Variants in DCC observed in about 807,000 individuals in gnomAD.
The protein encoded by DCC is netrin receptor DCC.
In DCC, 58 loss-of-function variants were observed where a neutral mutation model predicts 172.5. The observed-to-expected ratio is 0.34, with a 90% CI of 0.27 to 0.42. The LOEUF (loss-of-function observed/expected upper bound fraction) is 0.42. Ranked by LOEUF, DCC falls within the 10% of genes least tolerant of loss-of-function variation. DCC has a pLI of 1.00. For missense variants in DCC, 1,740 were observed against 1,791.0 expected (o/e 0.97, Z 0.51); for synonymous variants, 709 against 644.5 (o/e 1.10, Z -1.52).
At position 52,909,706 on chromosome 18, in the gene DCC, G is replaced by A. The variant is rs374809861; in HGVS notation, c.697+3378G>A. On this transcript the variant is annotated intron_variant, in intron 3 of 28. Transcript: ENST00000442544. ...CGACCAGTTTCACTTTATTCATTAC[G>A]TAAATACTTTATTCAATTAACTTTT... Among the ~76,000 whole-genome samples the A allele has an allele frequency of 8.6e-5, 13 of 151,510 alleles. 1 individual carries two copies. The highest frequency in any genetic ancestry group is 7.2e-4 in the Admixed American group (11 of 15,254).
chr18:52,801,425 A>C (rs956744337), intron 2 of DCC, among the ~76,000 whole-genome samples: 1 of 152,220 alleles, frequency 6.6e-6, no homozygotes, highest in African/African-American at 2.4e-5. Flanking sequence ...ATGAAGGATG[A>C]GTATTAGTTT....
intron 2 of DCC, among the ~76,000 whole-genome samples, chr18:52,798,706 G>A (rs62083281): frequency 0.025 from 3,842 of 152,152 alleles, 69 homozygotes; most frequent in Middle Eastern, 0.078. Flanking sequence ...AATGCAGTGA[G>A]GTGGAAAAGC....
chr18:53,118,345 G>A (rs566342116), intron 7 of DCC, among the ~76,000 whole-genome samples: 57 of 151,768 alleles, frequency 3.8e-4, no homozygotes, highest in African/African-American at 1.3e-3. Context: ...GCATCATAGT[G>A]TTTCGTATAT....
chr18:53,281,234 A>C (rs1461680875), intron 12 of DCC, among the ~76,000 whole-genome samples: 1 of 152,128 alleles, frequency 6.6e-6, no homozygotes, highest in African/African-American at 2.4e-5. Flanking sequence ...TCCATTTTTT[A>C]AATATATTTT....
At chr18:52,761,241 T>G (rs1445299577) in intron 2 of DCC, among the ~76,000 whole-genome samples, 1 of 152,190 alleles carries the variant, frequency 6.6e-6, no homozygotes, top group African/African-American at 2.4e-5. Context: ...TCACATCTTG[T>G]GAGAGTTATT....
At chr18:53,464,979 C>CAAAAAAAAAAAAAAAAAAAAAAAAAA (rs71179510) in intron 24 of DCC, among the ~76,000 whole-genome samples, 1 of 54,848 alleles carries the variant, frequency 1.8e-5, no homozygotes, top group Non-Finnish European at 3.8e-5. Context: ...AACTCAATCT[C>CAAAAAAAAAAAAAAAAAAAAAAAAAA]AAAAAAAAAA....
chr18:52,355,941 T>C (rs1463441720), intron 1 of DCC, among the ~76,000 whole-genome samples: 2 of 152,108 alleles, frequency 1.3e-5, no homozygotes, highest in Non-Finnish European at 2.9e-5. Flanking sequence ...TCTTTACATG[T>C]TCAGGCTCTG....
chr18:53,288,255 A>T (rs895567449), intron 12 of DCC, among the ~76,000 whole-genome samples: 4 of 152,166 alleles, frequency 2.6e-5, no homozygotes, highest in Non-Finnish European at 4.4e-5. Context: ...TTTCTAGAAC[A>T]TGAATATTTA....
intron 23 of DCC, among the ~76,000 whole-genome samples, chr18:53,451,710 G>GCTCTCTCTCTCTCTCTCTCT (rs371232356): frequency 2.7e-5 from 4 of 147,342 alleles, no homozygotes; most frequent in Admixed American, 6.8e-5. Flanking sequence ...GCTCGCTCTT[G>GCTCTCTCTCTCTCTCTCTCT]CTCTCTCTCT....
intron 5 of DCC, among the ~76,000 whole-genome samples, chr18:53,051,789 C>T (rs1390930300): frequency 1.3e-5 from 2 of 151,990 alleles, no homozygotes; most frequent in Non-Finnish European, 2.9e-5. Flanking sequence ...TATCTTTACG[C>T]CTCATCTTGT....
Position 53,086,403 on chromosome 18 carries a change from T to TTTC in DCC, c.1261+20259_1261+20261dup, listed in dbSNP as rs932269597. ...CCTTTCTTCTTCTTCTTCTTCTTCC[T>TTTC]TTCTTCTTCTTCTTCTTCTTCTTCC... On this transcript the variant is annotated intron_variant, in intron 7 of 28. Coordinates refer to ENST00000442544, the MANE Select transcript of DCC (RefSeq NM_005215.4). Among the ~76,000 whole-genome samples the TTTC allele has an allele frequency of 6.6e-3, 212 of 32,348 alleles. 64 individuals are homozygous for TTTC. The highest frequency in any genetic ancestry group is 7.3e-3 in the Non-Finnish European group (125 of 17,220). 21.2% of individuals were successfully genotyped at this position (32,348 alleles called of 152,430 possible).
chr18:52,534,500 G>T (rs1430016310), intron 1 of DCC, among the ~76,000 whole-genome samples: 3 of 151,882 alleles, frequency 2.0e-5, no homozygotes, highest in African/African-American at 7.3e-5. Flanking sequence ...CCCTCCCTAT[G>T]GTCTAAGTCA....
chr18:53,185,211 G>A (rs2055261358), intron 9 of DCC, among the ~76,000 whole-genome samples: 1 of 152,122 alleles, frequency 6.6e-6, no homozygotes, highest in South Asian at 2.1e-4. Context: ...AAAGGCTTAA[G>A]GAATTCATTT....
intron 2 of DCC, among the ~76,000 whole-genome samples, chr18:52,761,908 C>CAAAAAAAAAAAAAAAAAAAAAAA (rs1222086354): frequency 4.1e-5 from 2 of 48,462 alleles, no homozygotes; most frequent in African/African-American, 1.2e-4. Flanking sequence ...GACTCTGTCT[C>CAAAAAAAAAAAAAAAAAAAAAAA]AAAAAAAAAA....
At chr18:52,860,312 A>G (rs935969030) in intron 2 of DCC, among the ~76,000 whole-genome samples, 1 of 152,256 alleles carries the variant, frequency 6.6e-6, no homozygotes, top group Admixed American at 6.5e-5. Context: ...GATTTCTCCC[A>G]ACATTTATAT....
At chr18:53,250,109 G>C (rs2056411757) in intron 12 of DCC, among the ~76,000 whole-genome samples, 1 of 151,902 alleles carries the variant, frequency 6.6e-6, no homozygotes, top group Non-Finnish European at 1.5e-5. Flanking sequence ...CTGCCCTTAA[G>C]AGAGAACTGT....
At chr18:52,801,250 C>A (rs1342083404) in intron 2 of DCC, among the ~76,000 whole-genome samples, 2 of 152,164 alleles carry the variant, frequency 1.3e-5, no homozygotes, top group Non-Finnish European at 2.9e-5. Flanking sequence ...TTTGCCACAG[C>A]TTCTATTGTA....
At chr18:53,378,266 A>G (rs1907454990) in intron 15 of DCC, among the ~76,000 whole-genome samples, 1 of 152,132 alleles carries the variant, frequency 6.6e-6, no homozygotes, top group Non-Finnish European at 1.5e-5. Flanking sequence ...ATTTTCTTTT[A>G]AACCTCCAAC....
chr18:53,217,475 T>A (rs1201549169), intron 12 of DCC, among the ~76,000 whole-genome samples: 1 of 152,144 alleles, frequency 6.6e-6, no homozygotes, highest in Non-Finnish European at 1.5e-5. Context: ...CTTTTCAGAA[T>A]GAAAATACTA....
Sources: gnomAD v4.1 joint callset for allele counts (sites outside exome capture counted in the v4.1 genomes callset) on GRCh38, gnomAD v4.1.1 for gene constraint, MANE v1.5 for transcripts, NCBI Gene and HGNC (gene_info 2026-07-23, HGNC 2026-07-21) for gene names.